The following PTPRK variants were observed in gnomAD, a reference collection of about 807,000 sequenced individuals.
PTPRK encodes the protein receptor-type tyrosine-protein phosphatase kappa.
A neutral mutation model predicts 178.0 loss-of-function variants in PTPRK; 75 were observed. That is an observed-to-expected ratio of 0.42 (90% confidence interval 0.35 to 0.51). PTPRK has a LOEUF of 0.51. PTPRK is among the 20% of genes least tolerant of loss of function. The probability of loss-of-function intolerance (pLI) is 0.02; values close to 1 mark genes in which losing one functional copy is unlikely to be tolerated. For synonymous variants in PTPRK, 637 were observed against 620.6 expected, an observed-to-expected ratio of 1.03 and a Z score of -0.39; for missense variants, 1,441 against 1,797.8, an observed-to-expected ratio of 0.80 and a Z score of 3.59.
chr6:128,083,875 A>G (rs780891020), intron 8 of PTPRK, 51 bp from the exon 9 acceptor site: 23 of 994,440 alleles, frequency 2.3e-5, no homozygotes, highest in Non-Finnish European at 3.4e-5. Context: ...TTAGAAACAG[A>G]AAAAGTAAAT....
rs78424883 is a variant in PTPRK at position 128,035,907 on chromosome 6, C to T, written c.2195-26639G>A. ...TGGTGATTCTCAGAATAGTGGCAAA[C>T]ATCAGAGTATTCTTTCTGTCTTCTA... On this transcript the variant is annotated intron_variant, in intron 13 of 29. Transcript: ENST00000368226. Among the ~76,000 whole-genome samples the T allele has an allele frequency of 9.9e-5, 15 of 152,270 alleles. No individual in the cohort carries two copies. In the East Asian group the frequency reaches 2.9e-3, roughly 29 times the overall value.
chr6:128,089,592 T>A (rs1786567823), intron 8 of PTPRK, 98 bp downstream of exon 8: 1 of 1,256,180 alleles, frequency 8.0e-7, no homozygotes, highest in South Asian at 1.4e-5. Flanking sequence ...GATTTCAGAA[T>A]CCAATTCAGT....
intron 1 of PTPRK, among the ~76,000 whole-genome samples, chr6:128,420,214 C>A (rs1012903177): frequency 6.6e-6 from 1 of 152,056 alleles, no homozygotes; most frequent in Non-Finnish European, 1.5e-5. Context: ...ATAGTCATCC[C>A]AAATAACTGA....
At chr6:128,003,063 C>G in intron 15 of PTPRK, 1 of 808,998 alleles carries the variant, frequency 1.2e-6, no homozygotes, top group Non-Finnish European at 2.0e-6. Context: ...CAGTTGCTCT[C>G]TTTGATAATA....
At chr6:127,975,298 A>G (rs1243010849) in intron 27 of PTPRK, among the ~76,000 whole-genome samples, 5 of 152,228 alleles carry the variant, frequency 3.3e-5, no homozygotes, top group African/African-American at 7.2e-5. Context: ...TACTAGAACC[A>G]TAATGTAACA....
rs185613627 is a variant in PTPRK at position 128,447,864 on chromosome 6, C to T, written c.101-50176G>A. 2.0e-4 allele frequency among the ~76,000 whole-genome samples: 30 copies of T among 152,180 alleles called. No individual in the cohort carries two copies. In the East Asian group the frequency reaches 4.8e-3, roughly 25 times the overall value. On this transcript the variant is annotated intron_variant, in intron 1 of 29. Transcript: ENST00000368226. ...GTCTCGAACTCCTGACCTTGTGATC[C>T]GCCTGCCTTGACCTCCCAAAGTGCT...
chr6:128,471,124 A>G (rs561966700), intron 1 of PTPRK, among the ~76,000 whole-genome samples: 1 of 152,206 alleles, frequency 6.6e-6, no homozygotes, highest in East Asian at 1.9e-4. Context: ...CTGGGCTTTA[A>G]ATGAATTTAA....
At chr6:128,278,123 T>TTTTATTTATTTA (rs201597116) in intron 3 of PTPRK, among the ~76,000 whole-genome samples, 27 of 143,714 alleles carry the variant, frequency 1.9e-4, no homozygotes, top group Non-Finnish European at 2.6e-4. Context: ...TTTTTGTGTT[T>TTTTATTTATTTA]TTTATTTATT....
At chr6:128,158,342 T>G (rs1798229068) in intron 7 of PTPRK, among the ~76,000 whole-genome samples, 1 of 151,902 alleles carries the variant, frequency 6.6e-6, no homozygotes, top group Non-Finnish European at 1.5e-5. Context: ...AACACCAACA[T>G]GGCACATGTA....
chr6:128,394,307 T>C (rs1840000204), intron 2 of PTPRK, among the ~76,000 whole-genome samples: 1 of 152,208 alleles, frequency 6.6e-6, no homozygotes, highest in Non-Finnish European at 1.5e-5. Flanking sequence ...CTTGGAACTA[T>C]TATGAATGCT....
intron 25 of PTPRK, 52 bp from the exon 26 acceptor site, chr6:127,977,106 C>A (rs190763166): frequency 3.2e-6 from 5 of 1,567,982 alleles, no homozygotes; most frequent in Non-Finnish European, 4.4e-6. Context: ...AATGTATGAT[C>A]GGTTGTACAA....
Position 128,435,055 on chromosome 6 carries a change from AG to A in PTPRK, c.101-37368del, listed in dbSNP as rs1845354865. Among the ~76,000 whole-genome samples the A allele has an allele frequency of 4.9e-5, 3 of 60,718 alleles. No individual in the cohort carries two copies. The East Asian group carries it at 2.1e-3, about 42-fold the overall frequency. 39.8% of individuals were successfully genotyped at this position (60,718 alleles called of 152,430 possible). A position where few individuals can be genotyped will look rare whatever the true frequency, so the allele number is the denominator to read the frequency against. Reference sequence around the variant, plus strand: ...CAGGAAGGCAGGAAGGCAGGAAGGAAGGAAGGAAGGAAGGAAGGAAGGAAGG... The same window carrying A: ...CAGGAAGGCAGGAAGGCAGGAAGGAAGAAGGAAGGAAGGAAGGAAGGAAGG... On this transcript the variant is annotated intron_variant, in intron 1 of 29. Transcript: ENST00000368226.
intron 3 of PTPRK, among the ~76,000 whole-genome samples, chr6:128,257,081 T>C (rs1222663099): frequency 6.6e-6 from 1 of 151,648 alleles, no homozygotes. Context: ...AAATACAAAA[T>C]TAGCCAGGCA....
At chr6:128,068,633 T>C (rs1164223743) in intron 11 of PTPRK, among the ~76,000 whole-genome samples, 1 of 151,968 alleles carries the variant, frequency 6.6e-6, no homozygotes, top group Non-Finnish European at 1.5e-5. Flanking sequence ...TTTTAACAAC[T>C]CTGAAGCTGG....
intron 2 of PTPRK, among the ~76,000 whole-genome samples, chr6:128,393,581 G>A (rs891577536): frequency 6.6e-6 from 1 of 152,122 alleles, no homozygotes; most frequent in Non-Finnish European, 1.5e-5. Context: ...AGTAAAAATG[G>A]GTAAGAGATT....
At chr6:128,485,392 T>C (rs1486426277) in intron 1 of PTPRK, among the ~76,000 whole-genome samples, 2 of 152,202 alleles carry the variant, frequency 1.3e-5, no homozygotes, top group Admixed American at 6.5e-5. Context: ...CTCATGCCAA[T>C]GTAGCCTTAC....
chr6:128,391,176 G>A (rs766903492), intron 2 of PTPRK, among the ~76,000 whole-genome samples: 3 of 151,848 alleles, frequency 2.0e-5, no homozygotes, highest in Admixed American at 2.0e-4. Context: ...ATTGAATGAC[G>A]CATAACCTTC....
At chr6:128,028,861 T>C (rs1774785813) in intron 13 of PTPRK, among the ~76,000 whole-genome samples, 1 of 152,212 alleles carries the variant, frequency 6.6e-6, no homozygotes, top group African/African-American at 2.4e-5. Context: ...GGTTAGGATG[T>C]TAAACGGACT....
chr6:128,412,964 A>G (rs1327459759), intron 1 of PTPRK, among the ~76,000 whole-genome samples: 1 of 152,186 alleles, frequency 6.6e-6, no homozygotes, highest in Non-Finnish European at 1.5e-5. Context: ...TAGAGATGCC[A>G]TTTACAAGTG....
Sources: allele counts gnomAD v4.1 joint callset (sites outside exome capture counted in the v4.1 genomes callset), GRCh38; gene constraint gnomAD v4.1.1; transcripts MANE v1.5; gene names NCBI Gene and HGNC (gene_info 2026-07-23, HGNC 2026-07-21).